Variants in TDRD12 observed in about 807,000 individuals in gnomAD.
The protein encoded by TDRD12 is tudor domain containing 12, also known as putative ATP-dependent RNA helicase TDRD12.
A neutral mutation model predicts 133.5 loss-of-function variants in TDRD12; 158 were observed. The ratio of observed to expected loss-of-function variants is 1.18; its 90% confidence interval spans 1.04 to 1.35. The LOEUF (loss-of-function observed/expected upper bound fraction) is 1.35, where lower values mean the gene tolerates loss of function less well. Ranked by LOEUF, TDRD12 falls within the 40% of genes most tolerant of loss-of-function variation. The probability of loss-of-function intolerance (pLI) is 0.00; values close to 1 mark genes in which losing one functional copy is unlikely to be tolerated. For missense variants in TDRD12, 1,443 were observed against 1,321.3 expected, an observed-to-expected ratio of 1.09 and a Z score of -1.43; for synonymous variants, 460 against 477.9, an observed-to-expected ratio of 0.96 and a Z score of 0.49.
At chr19:32,757,120 C>T (rs1970018364) in exon 8 of TDRD12, 14 of 1,551,428 alleles carry the variant, frequency 9.0e-6, no homozygotes, top group Non-Finnish European at 1.2e-5. Context: ...GGCCAACAGC[C>T]ACAGCACAGG....
rs1263862914 is a variant in TDRD12 at position 32,772,743 on chromosome 19, T to G, written c.866-10T>G. ...GGTGTAGCTTTTTTATTACCATTTT[T>G]ATTTTGCAGACAAAGCTGTAAAATG... On this transcript the variant is annotated splice_polypyrimidine_tract_variant and intron_variant, in intron 8 of 27. Transcript: ENST00000444215. 6.8e-7 allele frequency: 1 copy of G among 1,478,058 alleles called. No homozygotes were observed. Among genetic ancestry groups the G allele is most frequent in the Non-Finnish European group, 9.0e-7 (1 of 1,111,198 alleles). 91.6% of individuals were successfully genotyped at this position (1,478,058 alleles called of 1,614,324 possible).
chr19:32,801,326 C>A lies in TDRD12; in HGVS notation c.2080-430C>A, dbSNP rs115175949. On this transcript the variant is annotated intron_variant, in intron 18 of 27. Transcript: ENST00000444215. Reference sequence around the variant, plus strand: ...CAGTTTTATTTTGTACATATTAGTGCTAAAACGTAGAAATGAAGCCAACTA... The same window carrying A: ...CAGTTTTATTTTGTACATATTAGTGATAAAACGTAGAAATGAAGCCAACTA... 5.8e-3 allele frequency among the ~76,000 whole-genome samples: 877 copies of A among 152,042 alleles called. 8 individuals are homozygous for A. Among genetic ancestry groups the A allele is most frequent in the African/African-American group, 0.02 (827 of 41,478 alleles).
intron 25 of TDRD12, among the ~76,000 whole-genome samples, chr19:32,814,016 C>A (rs1322904132): frequency 6.6e-6 from 1 of 152,208 alleles, no homozygotes; most frequent in Non-Finnish European, 1.5e-5. Flanking sequence ...GTATGCGAGG[C>A]ACACGCACGC....
intron 3 of TDRD12, among the ~76,000 whole-genome samples, chr19:32,739,409 G>A (rs1969326666): frequency 8.0e-6 from 1 of 125,276 alleles, no homozygotes; most frequent in African/African-American, 2.9e-5. Context: ...ATCTCCTGGG[G>A]TTCTCTCTCT....
At chr19:32,790,216 G>A (rs1258422143) in intron 11 of TDRD12, among the ~76,000 whole-genome samples, 1 of 152,158 alleles carries the variant, frequency 6.6e-6, no homozygotes, top group East Asian at 1.9e-4. Flanking sequence ...TCTCAGCAGA[G>A]GTGACTGTGG....
intron 11 of TDRD12, among the ~76,000 whole-genome samples, chr19:32,778,241 A>G (rs980667347): frequency 2.6e-5 from 4 of 151,526 alleles, no homozygotes; most frequent in Non-Finnish European, 4.4e-5. Flanking sequence ...AGGGCTTCTT[A>G]CCCCACAGGA....
chr19:32,799,728 CT>C (rs71176153), intron 16 of TDRD12, among the ~76,000 whole-genome samples: 264 of 78,424 alleles, frequency 3.4e-3, no homozygotes, highest in Middle Eastern at 0.011. Context: ...TAGTTTTTGC[CT>C]TTTTTTTTTT....
chr19:32,820,269 G>A (rs538729127), intron 27 of TDRD12, among the ~76,000 whole-genome samples: 32 of 152,250 alleles, frequency 2.1e-4, no homozygotes, highest in Non-Finnish European at 4.0e-4. Context: ...CTCCTCGTGT[G>A]TGTGTGTTTG....
chr19:32,741,289 C>T (rs968511367), intron 3 of TDRD12, among the ~76,000 whole-genome samples: 2 of 152,142 alleles, frequency 1.3e-5, no homozygotes, highest in Non-Finnish European at 2.9e-5. Flanking sequence ...GCCATGTTGG[C>T]CAGGCTGGTC....
intron 2 of TDRD12, among the ~76,000 whole-genome samples, chr19:32,737,682 A>G (rs762875700): frequency 7.9e-5 from 12 of 152,102 alleles, no homozygotes; most frequent in African/African-American, 1.2e-4. Flanking sequence ...GGCACGTACC[A>G]CCATGCCTGG....
intron 11 of TDRD12, among the ~76,000 whole-genome samples, chr19:32,779,579 T>C (rs1467801294): frequency 1.3e-5 from 2 of 151,960 alleles, no homozygotes; most frequent in African/African-American, 4.8e-5. Context: ...TGAAATTCTC[T>C]CTCTTAATTT....
At chr19:32,795,452 G>C (rs1296601598) in intron 14 of TDRD12, among the ~76,000 whole-genome samples, 1 of 152,012 alleles carries the variant, frequency 6.6e-6, no homozygotes, top group Admixed American at 6.6e-5. Context: ...GCATTGTTCT[G>C]ACCATTTCAC....
At chr19:32,737,861 G>A (rs533062060) in intron 2 of TDRD12, among the ~76,000 whole-genome samples, 30 of 152,312 alleles carry the variant, frequency 2.0e-4, no homozygotes, top group African/African-American at 6.3e-4. Flanking sequence ...GGCTGGGTGC[G>A]GTGGCTCACG....
intron 11 of TDRD12, among the ~76,000 whole-genome samples, chr19:32,784,058 C>T (rs781762672): frequency 6.6e-6 from 1 of 152,122 alleles, no homozygotes; most frequent in Non-Finnish European, 1.5e-5. Context: ...AGAGGGCATC[C>T]TTGTCTTGTG....
chr19:32,806,696 C>T (rs188104140), intron 21 of TDRD12, among the ~76,000 whole-genome samples: 4 of 152,094 alleles, frequency 2.6e-5, no homozygotes, highest in African/African-American at 4.8e-5. Context: ...CTTGCTCTGT[C>T]GCCCAGGCTG....
At chr19:32,801,571 TAAAC>T (rs1465216444) in intron 18 of TDRD12, among the ~76,000 whole-genome samples, 181 bp from the exon 19 acceptor site, 6 of 152,194 alleles carry the variant, frequency 3.9e-5, no homozygotes, top group African/African-American at 4.8e-5. Context: ...ATTTTAGACA[TAAAC>T]AACCGAATTT....
At chr19:32,813,993 A>C (rs1433119438) in intron 25 of TDRD12, among the ~76,000 whole-genome samples, 5 of 152,230 alleles carry the variant, frequency 3.3e-5, no homozygotes, top group Non-Finnish European at 7.3e-5. Context: ...ACCCCAGCGC[A>C]CACGTGCATT....
At chr19:32,732,351 G>C (rs971045212) in intron 2 of TDRD12, among the ~76,000 whole-genome samples, 1 of 152,204 alleles carries the variant, frequency 6.6e-6, no homozygotes, top group Non-Finnish European at 1.5e-5. Flanking sequence ...AGTCATGGAA[G>C]GGGGTGGCCG....
exon 21 of TDRD12, chr19:32,803,116 A>G (rs1971449677): frequency 3.3e-6 from 5 of 1,524,350 alleles, no homozygotes; most frequent in Admixed American, 2.1e-5. Context: ...CTCTTTGTCC[A>G]TATCTGAAGG....
Sources: allele counts gnomAD v4.1 joint callset (sites outside exome capture counted in the v4.1 genomes callset), GRCh38; gene constraint gnomAD v4.1.1; transcripts MANE v1.5; gene names NCBI Gene and HGNC (gene_info 2026-07-23, HGNC 2026-07-21).